ADAMTS3: variants seen among roughly 807,000 people sequenced by gnomAD.
ADAMTS3 encodes A disintegrin and metalloproteinase with thrombospondin motifs 3.
Under a neutral mutation model 129.0 loss-of-function variants are expected in ADAMTS3, and 73 were observed. The ratio of observed to expected loss-of-function variants is 0.57; its 90% CI spans 0.47 to 0.69. The LOEUF (loss-of-function observed/expected upper bound fraction) is 0.69. Ranked by LOEUF, ADAMTS3 falls within the 30% of genes least tolerant of loss-of-function variation. ADAMTS3 has a pLI of 0.00. For synonymous variants in ADAMTS3, 477 were observed against 510.8 expected, an observed-to-expected ratio of 0.93 and a Z score of 0.89; for missense variants, 1,457 against 1,514.5, an observed-to-expected ratio of 0.96 and a Z score of 0.63.
intron 3 of ADAMTS3, among the ~76,000 whole-genome samples, chr4:72,542,221 G>A (rs767053717): frequency 6.6e-6 from 1 of 152,164 alleles, no homozygotes; most frequent in African/African-American, 2.4e-5. Flanking sequence ...CTGGAGAGCA[G>A]TGGTGCAATC....
At chr4:72,354,752 A>G (rs1412166228) in intron 4 of ADAMTS3, among the ~76,000 whole-genome samples, 2 of 152,040 alleles carry the variant, frequency 1.3e-5, no homozygotes, top group East Asian at 3.9e-4. Flanking sequence ...CCAGGCAATC[A>G]AAACCCTGAA....
At chr4:72,302,265 G>A (rs1450528290) in intron 17 of ADAMTS3, among the ~76,000 whole-genome samples, 1 of 150,062 alleles carries the variant, frequency 6.7e-6, no homozygotes, top group African/African-American at 2.5e-5. Flanking sequence ...TAGATGTAAT[G>A]AGTGAACATT....
At chr4:72,355,136 C>T (rs1269522242) in intron 4 of ADAMTS3, among the ~76,000 whole-genome samples, 1 of 150,904 alleles carries the variant, frequency 6.6e-6, no homozygotes, top group African/African-American at 2.5e-5. Context: ...TCATTATAGT[C>T]TACTCATTTT....
At chr4:72,397,562 T>TACACACACACACACACACACAC (rs35076637) in intron 4 of ADAMTS3, among the ~76,000 whole-genome samples, 3 of 147,584 alleles carry the variant, frequency 2.0e-5, no homozygotes, top group African/African-American at 5.0e-5. Context: ...GAGACTCTAT[T>TACACACACACACACACACACAC]ACACACACAC....
chr4:72,291,089 AATT>A (rs756502746), intron 19 of ADAMTS3, 27 bp from the exon 20 acceptor site: 2 of 1,611,630 alleles, frequency 1.2e-6, no homozygotes, highest in Non-Finnish European at 1.7e-6. Context: ...TTAATATTGC[AATT>A]ATCACTGGTA....
chr4:72,282,886 T>C lies in ADAMTS3; in HGVS notation c.*250A>G, dbSNP rs1030128071. 1 of 342,392 alleles carries C rather than the reference T, an allele frequency of 2.9e-6. No individual in the cohort carries two copies. Among genetic ancestry groups the C allele is most frequent in the Non-Finnish European group, 5.3e-6 (1 of 187,964 alleles). The allele number at this position is 342,392 out of a possible 1,614,324, so 21.2% of individuals were successfully genotyped here. A position where few individuals can be genotyped will look rare whatever the true frequency, so the allele number is the denominator to read the frequency against. ...CTTCAGAGAGCGACCAACACAATCT[T>C]AGCAACATATTTTTCTTTTGTAATA... is the stretch of plus-strand genomic sequence containing the variant. On this transcript the variant is annotated 3_prime_UTR_variant, in exon 22 of 22. Coordinates refer to ENST00000286657, the MANE Select transcript of ADAMTS3 (RefSeq NM_014243.3).
chr4:72,368,318 T>C (rs1055915333), intron 4 of ADAMTS3, among the ~76,000 whole-genome samples: 1 of 152,200 alleles, frequency 6.6e-6, no homozygotes, highest in Admixed American at 6.5e-5. Context: ...GGTATGCCAG[T>C]GTTAGTGCAA....
At chr4:72,444,817 T>C (rs1405400264) in intron 3 of ADAMTS3, among the ~76,000 whole-genome samples, 1 of 151,684 alleles carries the variant, frequency 6.6e-6, no homozygotes, top group Non-Finnish European at 1.5e-5. Flanking sequence ...AACTGAAGAA[T>C]GGGTAAATAA....
chr4:72,459,921 A>C (rs975745268), intron 3 of ADAMTS3, among the ~76,000 whole-genome samples: 1 of 151,618 alleles, frequency 6.6e-6, no homozygotes, highest in African/African-American at 2.4e-5. Flanking sequence ...ACAATTTTTA[A>C]ATAATTTTGT....
intron 3 of ADAMTS3, among the ~76,000 whole-genome samples, chr4:72,437,468 C>T (rs946157802): frequency 1.6e-4 from 25 of 151,684 alleles, no homozygotes; most frequent in Non-Finnish European, 3.5e-4. Flanking sequence ...GTATTTTGCC[C>T]ATGGATCTGT....
At position 72,295,594 on chromosome 4, in the gene ADAMTS3, C is replaced by T. The variant is rs1578558515; in HGVS notation, c.2723+60G>A. On this transcript the variant is annotated intron_variant, in intron 19 of 21. Coordinates refer to ENST00000286657, the MANE Select transcript of ADAMTS3 (RefSeq NM_014243.3). ...AAAATAAAATCAAAACTAAAAAGAG[C>T]TAAAGGCAGTGAAGTCCTGATTTTG... 1.1e-5 allele frequency: 17 copies of T among 1,539,598 alleles called. No homozygotes were observed. The East Asian group carries it at 3.6e-4, about 33-fold the overall frequency.
chr4:72,534,963 C>G (rs979763601), intron 3 of ADAMTS3, among the ~76,000 whole-genome samples: 3 of 152,108 alleles, frequency 2.0e-5, no homozygotes, highest in African/African-American at 7.2e-5. Flanking sequence ...ACAAAGTCTT[C>G]TCTCATTTTT....
At chr4:72,527,495 G>GT (rs1390754460) in intron 3 of ADAMTS3, among the ~76,000 whole-genome samples, 3 of 152,148 alleles carry the variant, frequency 2.0e-5, no homozygotes, top group African/African-American at 7.2e-5. Context: ...CAGGTACACA[G>GT]TAAGTGATCA....
Position 72,455,971 on chromosome 4 carries a change from TAC to T in ADAMTS3, c.505-41002_505-41001del, listed in dbSNP as rs1383396809. 2.0e-3 allele frequency among the ~76,000 whole-genome samples: 156 copies of T among 78,990 alleles called. 63 individuals are homozygous for T. Among genetic ancestry groups the T allele is most frequent in the African/African-American group, 7.2e-3 (149 of 20,690 alleles). The allele number at this position is 78,990 out of a possible 152,430, so 51.8% of individuals were successfully genotyped here. A position where few individuals can be genotyped will look rare whatever the true frequency, so the allele number is the denominator to read the frequency against. ...TACAGTATATATACTATATATATTT[TAC>T]ATATAGTATATATACTATATATATT... On this transcript the variant is annotated intron_variant, in intron 3 of 21. Coordinates refer to ENST00000286657, the MANE Select transcript of ADAMTS3 (RefSeq NM_014243.3).
intron 4 of ADAMTS3, among the ~76,000 whole-genome samples, chr4:72,352,061 G>A (rs1720453888): frequency 6.6e-6 from 1 of 151,840 alleles, no homozygotes; most frequent in African/African-American, 2.4e-5. Context: ...TGGTACAGTA[G>A]GTTCTGTTAT....
At chr4:72,527,462 T>A (rs1209356858) in intron 3 of ADAMTS3, among the ~76,000 whole-genome samples, 1 of 152,180 alleles carries the variant, frequency 6.6e-6, no homozygotes, top group Non-Finnish European at 1.5e-5. Context: ...TGCTCATTGT[T>A]GCATCCACAG....
chr4:72,351,470 T>G (rs984326120), intron 4 of ADAMTS3, among the ~76,000 whole-genome samples: 1 of 151,804 alleles, frequency 6.6e-6, no homozygotes, highest in Non-Finnish European at 1.5e-5. Context: ...TTATGACACA[T>G]TAAATCTCCT....
intron 3 of ADAMTS3, among the ~76,000 whole-genome samples, chr4:72,490,665 G>C (rs1324070782): frequency 1.3e-5 from 2 of 151,804 alleles, no homozygotes; most frequent in Non-Finnish European, 3.0e-5. Flanking sequence ...GAGTATGCGT[G>C]AGTTTATCCT....
chr4:72,303,734 A>G (rs956079178), intron 17 of ADAMTS3, among the ~76,000 whole-genome samples, 183 bp downstream of exon 17: 2 of 152,200 alleles, frequency 1.3e-5, no homozygotes, highest in African/African-American at 4.8e-5. Flanking sequence ...TAATGTCTAT[A>G]TAATAAATTA....
Sources: allele counts gnomAD v4.1 joint callset (sites outside exome capture counted in the v4.1 genomes callset), GRCh38; gene constraint gnomAD v4.1.1; transcripts MANE v1.5; gene names NCBI Gene and HGNC (gene_info 2026-07-23, HGNC 2026-07-21).